IGF2BP1: variants seen among roughly 807,000 people sequenced by gnomAD.
The protein encoded by IGF2BP1 is insulin-like growth factor 2 mRNA-binding protein 1.
A neutral mutation model predicts 74.9 loss-of-function variants in IGF2BP1; 11 were observed. That is an observed-to-expected ratio of 0.15 (90% CI 0.09 to 0.24). The LOEUF is 0.24. IGF2BP1 is among the 10% of genes least tolerant of loss of function. IGF2BP1 has a pLI of 1.00. For missense variants in IGF2BP1, 440 were observed against 757.4 expected (o/e 0.58, Z 4.92); for synonymous variants, 287 against 281.8 (o/e 1.02, Z -0.18).
intron 9 of IGF2BP1, 101 bp downstream of exon 9, chr17:49,042,478 C>A (rs2042062905): frequency 7.7e-7 from 1 of 1,300,958 alleles, no homozygotes; most frequent in South Asian, 1.3e-5. Context: ...GCCGTGTGGC[C>A]TTGGAGCTTT....
At chr17:49,039,872 G>C in intron 6 of IGF2BP1, 85 bp from the exon 7 acceptor site, 1 of 1,454,252 alleles carries the variant, frequency 6.9e-7, no homozygotes, top group South Asian at 1.2e-5. Context: ...CTATGCCTTT[G>C]ACTGAGGAGG....
In IGF2BP1 at chr17:49,054,052, TAGAGTAAC is replaced by T. The variant is rs908951458; in HGVS notation, c.*4610_*4617del. 5 of 152,708 alleles carry T rather than the reference TAGAGTAAC, an allele frequency of 3.3e-5. No individual in the cohort carries two copies. The highest frequency in any genetic ancestry group is 1.2e-4 in the African/African-American group (5 of 41,474). The allele number at this position is 152,708 out of a possible 1,614,324, so 9.5% of individuals were successfully genotyped here. On this transcript the variant is annotated 3_prime_UTR_variant, in exon 15 of 15. Transcript: ENST00000290341. ...CAGAACATTTCTCTGTATTCAGACT[TAGAGTAAC>T]ACCAGCTGAAAACTGCAGTTTCTTT...
intron 7 of IGF2BP1, 49 bp downstream of exon 7, chr17:49,040,140 A>G (rs755584500): frequency 1.2e-6 from 2 of 1,602,338 alleles, no homozygotes; most frequent in Non-Finnish European, 1.7e-6. Flanking sequence ...AGTCCAGTTG[A>G]GCCTCCCCAA....
At chr17:49,002,736 A>G (rs1057446740) in intron 2 of IGF2BP1, among the ~76,000 whole-genome samples, 1 of 151,718 alleles carries the variant, frequency 6.6e-6, no homozygotes, top group Admixed American at 6.6e-5. Flanking sequence ...AGTGAAAAAA[A>G]TGGTTGAATG....
At chr17:49,028,800 C>T (rs915867861) in intron 4 of IGF2BP1, among the ~76,000 whole-genome samples, 2 of 152,088 alleles carry the variant, frequency 1.3e-5, no homozygotes, top group Non-Finnish European at 1.5e-5. Context: ...CATCCTCTTT[C>T]ATCTGATTTA....
In IGF2BP1 at chr17:49,038,352, A is replaced by G; in HGVS notation, c.586A>G (p.Ile196Val). ...GAPAKQQQVD[I>V]PLRLLVPTQY... is the part of the protein sequence containing the mutation. ...CCCAGCCAAGCAGCAGCAAGTGGACATCCCCCTTCGGCTCCTGGTGCCCAC... is the reference window on the plus strand; with the variant it reads ...CCCAGCCAAGCAGCAGCAAGTGGACGTCCCCCTTCGGCTCCTGGTGCCCAC... Residue 196 changes from isoleucine to valine, a missense_variant, in exon 6 of 15, where the codon ATC (isoleucine) becomes GTC (valine). Transcript: ENST00000290341. 6 of 1,606,372 alleles carry G rather than the reference A, an allele frequency of 3.7e-6. No homozygotes were observed. In the South Asian group the frequency reaches 4.5e-5, roughly 12 times the overall value.
intron 4 of IGF2BP1, 134 bp downstream of exon 4, chr17:49,026,651 GCCTTCCTGCCTTCCTGCCTT>G (rs879291343): frequency 1.4e-4 from 87 of 602,726 alleles, no homozygotes; most frequent in African/African-American, 9.5e-4. Flanking sequence ...CTTCCTGCCT[GCCTTCCTGCCTTCCTGCCTT>G]CCTTCCTGCC....
intron 2 of IGF2BP1, among the ~76,000 whole-genome samples, chr17:49,015,460 C>T (rs2041688283): frequency 6.6e-6 from 1 of 152,240 alleles, no homozygotes; most frequent in South Asian, 2.1e-4. Flanking sequence ...TCCCTTCCCA[C>T]TGCCAGTCTG....
At chr17:49,026,922 T>C (rs2041865503) in intron 4 of IGF2BP1, among the ~76,000 whole-genome samples, 1 of 152,170 alleles carries the variant, frequency 6.6e-6, no homozygotes, top group South Asian at 2.1e-4. Flanking sequence ...TTTTGTATTT[T>C]TAGTAGAGAC....
chr17:49,003,721 A>C (rs527935400), intron 2 of IGF2BP1, among the ~76,000 whole-genome samples: 9 of 144,372 alleles, frequency 6.2e-5, no homozygotes, highest in Non-Finnish European at 1.2e-4. Context: ...GGAAAAAAGC[A>C]GCAGGGGGAG....
At chr17:48,998,317 C>T (rs2041435083) in intron 1 of IGF2BP1, among the ~76,000 whole-genome samples, 1 of 152,226 alleles carries the variant, frequency 6.6e-6, no homozygotes, top group South Asian at 2.1e-4. Flanking sequence ...AGCTGGAAAA[C>T]CCCGGCTCCC....
At chr17:49,040,471 C>T (rs971730919) in intron 7 of IGF2BP1, among the ~76,000 whole-genome samples, 1 of 152,230 alleles carries the variant, frequency 6.6e-6, no homozygotes, top group Admixed American at 6.5e-5. Flanking sequence ...CCCAGCTCAG[C>T]CTCCCAAAGA....
At chr17:49,021,979 T>C (rs1197333479) in intron 2 of IGF2BP1, among the ~76,000 whole-genome samples, 3 of 152,206 alleles carry the variant, frequency 2.0e-5, no homozygotes, top group African/African-American at 4.8e-5. Context: ...CTGTTAACTA[T>C]TGTCAGCCCT....
rs1233438978 is a variant in IGF2BP1 at position 49,051,255 on chromosome 17, G to GA, written c.*1817dup. On this transcript the variant is annotated 3_prime_UTR_variant, in exon 15 of 15. Coordinates refer to ENST00000290341, the MANE Select transcript of IGF2BP1 (RefSeq NM_006546.4). ...GAATATTTTATTTTTTTAATGAAAA[G>GA]AAAAAACAAGAAAGTTATGTTTCAT... The GA allele has an allele frequency of 6.6e-6, 1 of 152,398 alleles. No homozygotes were observed. The highest frequency in any genetic ancestry group is 2.4e-5 in the African/African-American group (1 of 41,400). 9.4% of individuals were successfully genotyped at this position (152,398 alleles called of 1,614,324 possible).
chr17:49,015,242 G>C (rs2041682344), intron 2 of IGF2BP1, among the ~76,000 whole-genome samples: 1 of 152,160 alleles, frequency 6.6e-6, no homozygotes, highest in Non-Finnish European at 1.5e-5. Flanking sequence ...CAAAGTGCTG[G>C]GATTATAGGC....
At chr17:49,025,701 A>G (rs557040895) in intron 3 of IGF2BP1, 35 bp downstream of exon 3, 1 of 1,592,032 alleles carries the variant, frequency 6.3e-7, no homozygotes, top group African/African-American at 1.3e-5. Context: ...ATGGAGTGGG[A>G]TAGTGGAGCC....
chr17:49,035,223 TG>T (rs1258970540), intron 5 of IGF2BP1, among the ~76,000 whole-genome samples: 1 of 152,242 alleles, frequency 6.6e-6, no homozygotes, highest in Non-Finnish European at 1.5e-5. Flanking sequence ...CAAATGATGC[TG>T]GGGCAGCTCG....
intron 14 of IGF2BP1, among the ~76,000 whole-genome samples, chr17:49,046,902 A>C (rs1432134078): frequency 6.6e-6 from 1 of 152,120 alleles, no homozygotes; most frequent in Non-Finnish European, 1.5e-5. Context: ...GCACTCGGAC[A>C]GGCTCCAGAG....
At chr17:49,016,990 T>A (rs982066503) in intron 2 of IGF2BP1, among the ~76,000 whole-genome samples, 15 of 145,054 alleles carry the variant, frequency 1.0e-4, no homozygotes, top group Non-Finnish European at 2.0e-4. Flanking sequence ...TCTTGGACAA[T>A]TTTTTTTTTT....
Sources: gnomAD v4.1 joint callset for allele counts (sites outside exome capture counted in the v4.1 genomes callset) on GRCh38, gnomAD v4.1.1 for gene constraint, MANE v1.5 for transcripts, NCBI Gene and HGNC (gene_info 2026-07-23, HGNC 2026-07-21) for gene names.